Variants in FSTL5 observed in about 807,000 individuals in gnomAD.
FSTL5 encodes follistatin-related protein 5.
Under a neutral mutation model 89.1 loss-of-function variants are expected in FSTL5, and 62 were observed. The ratio of observed to expected loss-of-function variants is 0.70; its 90% confidence interval spans 0.57 to 0.86. The LOEUF is 0.86. FSTL5 is among the 40% of genes least tolerant of loss of function. FSTL5 has a pLI of 0.00. For missense variants in FSTL5, 1,057 were observed against 1,001.6 expected (o/e 1.06, Z -0.75); for synonymous variants, 383 against 346.2 (o/e 1.11, Z -1.18).
chr4:161,921,880 C>T (rs1289025601), intron 3 of FSTL5, among the ~76,000 whole-genome samples: 2 of 152,028 alleles, frequency 1.3e-5, no homozygotes, highest in African/African-American at 2.4e-5. Context: ...GCAATTGGCA[C>T]ATATAAAACT....
At chr4:161,433,673 A>T (rs1275931695) in intron 15 of FSTL5, among the ~76,000 whole-genome samples, 1 of 152,154 alleles carries the variant, frequency 6.6e-6, no homozygotes, top group Non-Finnish European at 1.5e-5. Context: ...AAGATTCCAC[A>T]GCAAACTATT....
chr4:161,427,493 T>C lies in FSTL5; in HGVS notation c.1841+27511A>G, dbSNP rs141517352. Reference sequence around the variant, plus strand: ...TCCAACAGCATTGCTAAGTATTCCTTAGACTCTACGTCAGTCTAAGATGCC... The same window carrying C: ...TCCAACAGCATTGCTAAGTATTCCTCAGACTCTACGTCAGTCTAAGATGCC... On this transcript the variant is annotated intron_variant, in intron 15 of 15. Transcript: ENST00000306100. 3.1e-3 allele frequency among the ~76,000 whole-genome samples: 478 copies of C among 152,328 alleles called. 9 individuals are homozygous for C. The highest frequency in any genetic ancestry group is 0.027 in the Admixed American group (408 of 15,300).
chr4:161,455,596 C>T (rs1252937713), intron 14 of FSTL5, among the ~76,000 whole-genome samples: 1 of 152,022 alleles, frequency 6.6e-6, no homozygotes, highest in African/African-American at 2.4e-5. Context: ...TATTTTAAAA[C>T]GTTTTCCTCC....
intron 8 of FSTL5, among the ~76,000 whole-genome samples, chr4:161,555,135 T>G (rs907215979): frequency 6.6e-6 from 1 of 151,586 alleles, no homozygotes; most frequent in African/African-American, 2.4e-5. Context: ...GGTCATAAAC[T>G]TCGGTGAGTT....
At chr4:162,150,340 G>A (rs1435724420) in intron 1 of FSTL5, among the ~76,000 whole-genome samples, 1 of 152,026 alleles carries the variant, frequency 6.6e-6, no homozygotes, top group East Asian at 1.9e-4. Flanking sequence ...AGGCAGTATG[G>A]GCTGTAACCT....
chr4:161,997,778 G>A (rs551670229), intron 3 of FSTL5, among the ~76,000 whole-genome samples: 4 of 127,898 alleles, frequency 3.1e-5, no homozygotes, highest in South Asian at 5.5e-4. Flanking sequence ...CTAATTTTTC[G>A]TATTTTTAGT....
intron 15 of FSTL5, among the ~76,000 whole-genome samples, chr4:161,433,314 T>A (rs1732446832): frequency 6.6e-6 from 1 of 152,072 alleles, no homozygotes; most frequent in Admixed American, 6.5e-5. Context: ...AATTATATGA[T>A]CATGTAATTG....
At chr4:162,143,815 C>A (rs202114316) in intron 1 of FSTL5, among the ~76,000 whole-genome samples, 8,011 of 121,622 alleles carry the variant, frequency 0.066, 231 homozygotes, top group Non-Finnish European at 0.077. Flanking sequence ...CACACACACA[C>A]ACACATACAA....
intron 8 of FSTL5, among the ~76,000 whole-genome samples, chr4:161,570,022 T>C (rs1732953536): frequency 6.6e-6 from 1 of 152,174 alleles, no homozygotes; most frequent in Non-Finnish European, 1.5e-5. Context: ...CTCATGTACA[T>C]TTAAAAATGC....
chr4:161,725,085 A>C (rs1739351148), intron 6 of FSTL5, among the ~76,000 whole-genome samples: 1 of 152,096 alleles, frequency 6.6e-6, no homozygotes, highest in Non-Finnish European at 1.5e-5. Context: ...AGTCCCAGCT[A>C]CTCAGGAGGC....
At chr4:161,801,446 C>T (rs1366497076) in intron 4 of FSTL5, among the ~76,000 whole-genome samples, 1 of 151,356 alleles carries the variant, frequency 6.6e-6, no homozygotes, top group Non-Finnish European at 1.5e-5. Context: ...TAAAGAAAAA[C>T]CTCCTTAGAG....
chr4:161,543,750 T>C (rs952423379), intron 8 of FSTL5, among the ~76,000 whole-genome samples: 3 of 135,846 alleles, frequency 2.2e-5, no homozygotes, highest in African/African-American at 7.4e-5. Context: ...ATAAGCAAAA[T>C]TGAATTCAAA....
chr4:162,072,335 A>T (rs1275202692), intron 2 of FSTL5, among the ~76,000 whole-genome samples: 1 of 151,826 alleles, frequency 6.6e-6, no homozygotes, highest in Non-Finnish European at 1.5e-5. Context: ...AATTATATCA[A>T]GAGAATTCTC....
intron 10 of FSTL5, among the ~76,000 whole-genome samples, chr4:161,532,462 A>G (rs1731445915): frequency 6.6e-6 from 1 of 152,176 alleles, no homozygotes; most frequent in Non-Finnish European, 1.5e-5. Flanking sequence ...TTGCTTTTTC[A>G]TTTAAAAATT....
rs200362982 is a variant in FSTL5, at chr4:161,779,692, TTTTA to T, written c.410-3622_410-3619del. On this transcript the variant is annotated intron_variant, in intron 4 of 15. Coordinates refer to ENST00000306100, the MANE Select transcript of FSTL5 (RefSeq NM_020116.5). ...AGAACTCAGTTTTTCTTTTTAACTA[TTTTA>T]TTTAATAGCTAAAATTAAATATTTC... Among the ~76,000 whole-genome samples, 159 of 148,054 alleles carry T rather than the reference TTTTA, an allele frequency of 1.1e-3. 4 individuals carry two copies. In the East Asian group the frequency reaches 0.026, roughly 24 times the overall value.
chr4:161,828,277 C>T (rs1306608555), intron 4 of FSTL5, among the ~76,000 whole-genome samples: 1 of 152,188 alleles, frequency 6.6e-6, no homozygotes, highest in African/African-American at 2.4e-5. Context: ...CCCTCTTTCA[C>T]TTTCACTCTT....
At chr4:161,439,297 A>G (rs1181120156) in intron 15 of FSTL5, among the ~76,000 whole-genome samples, 1 of 152,224 alleles carries the variant, frequency 6.6e-6, no homozygotes, top group East Asian at 1.9e-4. Flanking sequence ...CAAACTTTAA[A>G]TGGTGTCGAG....
chr4:161,687,115 A>C (rs1737773912), intron 6 of FSTL5, among the ~76,000 whole-genome samples: 1 of 152,212 alleles, frequency 6.6e-6, no homozygotes, highest in South Asian at 2.1e-4. Flanking sequence ...TACAAGATTT[A>C]AAACAAACTA....
At chr4:161,841,784 A>G (rs1731219981) in intron 4 of FSTL5, among the ~76,000 whole-genome samples, 1 of 152,208 alleles carries the variant, frequency 6.6e-6, no homozygotes, top group Non-Finnish European at 1.5e-5. Context: ...GAATCAGAGC[A>G]TAATTAATAT....
Sources: allele counts gnomAD v4.1 joint callset (sites outside exome capture counted in the v4.1 genomes callset), GRCh38; gene constraint gnomAD v4.1.1; transcripts MANE v1.5; gene names NCBI Gene and HGNC (gene_info 2026-07-23, HGNC 2026-07-21).